Variants in CYP4X1 observed in about 807,000 individuals in gnomAD.
CYP4X1 encodes the protein cytochrome P450 family 4 subfamily X member 1.
CYP4X1 carries 44 observed loss-of-function variants against 57.9 expected under a neutral mutation model. The observed-to-expected ratio is 0.76, with a 90% CI of 0.60 to 0.98. The LOEUF is 0.98. CYP4X1 is among the 50% of genes least tolerant of loss of function. The probability of loss-of-function intolerance (pLI) is 0.00; values close to 1 mark genes in which losing one functional copy is unlikely to be tolerated. For missense variants in CYP4X1, 532 were observed against 623.9 expected (o/e 0.85, Z 1.57); for synonymous variants, 227 against 228.6 (o/e 0.99, Z 0.06).
At chr1:47,020,463 G>A (rs999574901), upstream of CYP4X1, among the ~76,000 whole-genome samples, 2 of 152,184 alleles carry the variant, frequency 1.3e-5, no homozygotes, top group African/African-American at 2.4e-5. Flanking sequence ...TAGCCTGGAC[G>A]GATTTCATTA....
chr1:46,971,582 C>G, the CYP4X1 span, among the ~76,000 whole-genome samples: 3 of 152,158 alleles, frequency 2.0e-5, no homozygotes, highest in Non-Finnish European at 2.9e-5. Context: ...TTGCCACCAT[C>G]TGTTGTTTTT....
At chr1:46,997,954 T>C in the CYP4X1 span, among the ~76,000 whole-genome samples, 3 of 152,346 alleles carry the variant, frequency 2.0e-5, no homozygotes, top group Middle Eastern at 3.4e-3. Flanking sequence ...TGATTATTGA[T>C]GTTGAGCATT....
chr1:47,000,065 C>A, the CYP4X1 span, among the ~76,000 whole-genome samples: 1 of 151,924 alleles, frequency 6.6e-6, no homozygotes, highest in East Asian at 1.9e-4. Flanking sequence ...AATTGTAATC[C>A]CCATGTGTCA....
At chr1:46,967,805 G>T in the CYP4X1 span, 1 of 1,361,852 alleles carries the variant, frequency 7.3e-7, no homozygotes, top group Non-Finnish European at 9.7e-7. Flanking sequence ...AGCTCAAAGC[G>T]GAGCAGGGTC....
At chr1:47,022,861 G>A (rs1439643320), upstream of CYP4X1, among the ~76,000 whole-genome samples, 1 of 152,194 alleles carries the variant, frequency 6.6e-6, no homozygotes, top group Non-Finnish European at 1.5e-5. Context: ...GCTGGGACAG[G>A]GAGGTGGGGG....
upstream of CYP4X1, among the ~76,000 whole-genome samples, chr1:47,022,388 T>C (rs952803661): frequency 5.4e-5 from 8 of 148,926 alleles, no homozygotes; most frequent in African/African-American, 2.0e-4. Flanking sequence ...CCTCTCGGGT[T>C]CAAGCGATTC....
At chr1:46,984,443 T>G in the CYP4X1 span, among the ~76,000 whole-genome samples, 1 of 149,982 alleles carries the variant, frequency 6.7e-6, no homozygotes, top group African/African-American at 2.5e-5. Flanking sequence ...AAGAGCTCTG[T>G]CCTGCAGCTC....
chr1:47,011,827 A>G, the CYP4X1 span, among the ~76,000 whole-genome samples: 6 of 152,254 alleles, frequency 3.9e-5, no homozygotes, highest in Admixed American at 1.3e-4. Context: ...ATCACTGGCC[A>G]TCGGAGAAAT....
chr1:47,036,370 T>TTA (rs58369367), intron 6 of CYP4X1, among the ~76,000 whole-genome samples, 199 bp downstream of exon 6: 1,474 of 129,804 alleles, frequency 0.011, 52 homozygotes, highest in African/African-American at 0.019. Context: ...ATCAGAATTT[T>TTA]TATATATATA....
chr1:47,029,858 T>TTA, intron 1 of CYP4X1, 132 bp from the exon 2 acceptor site: 5 of 928,692 alleles, frequency 5.4e-6, no homozygotes, highest in Non-Finnish European at 8.2e-6. Context: ...AGAAAGCATG[T>TTA]TATGTCACTT....
At chr1:47,041,906 T>A (rs1486478695) in intron 8 of CYP4X1, among the ~76,000 whole-genome samples, 1 of 152,128 alleles carries the variant, frequency 6.6e-6, no homozygotes, top group Non-Finnish European at 1.5e-5. Flanking sequence ...AGTTTTATAG[T>A]TTCAGGTCAT....
upstream of CYP4X1, among the ~76,000 whole-genome samples, chr1:47,019,510 TTTAAC>T (rs1229868314): frequency 6.6e-6 from 1 of 152,240 alleles, no homozygotes; most frequent in African/African-American, 2.4e-5. Context: ...ATTTCTAATA[TTTAAC>T]TTAACCATTC....
the CYP4X1 span, among the ~76,000 whole-genome samples, chr1:47,017,271 A>T: frequency 6.6e-6 from 1 of 152,196 alleles, no homozygotes; most frequent in Non-Finnish European, 1.5e-5. Flanking sequence ...TTTTTGAGGA[A>T]TCTCCAAACC....
At chr1:46,963,630 G>A in the CYP4X1 span, among the ~76,000 whole-genome samples, 1 of 152,224 alleles carries the variant, frequency 6.6e-6, no homozygotes. Context: ...AGTCTGATGG[G>A]CTTCCCTTTG....
chr1:46,968,716 G>T, the CYP4X1 span, among the ~76,000 whole-genome samples: 1 of 144,202 alleles, frequency 6.9e-6, no homozygotes, highest in East Asian at 2.1e-4. Context: ...TGAGTGAAAG[G>T]ATGGATGAGG....
At chr1:47,007,471 T>A in the CYP4X1 span, among the ~76,000 whole-genome samples, 3 of 151,856 alleles carry the variant, frequency 2.0e-5, no homozygotes, top group African/African-American at 4.8e-5. Context: ...ACCACAAAGA[T>A]GGGGAAAAAA....
At chr1:47,054,633 A>C (rs976233704), downstream of CYP4X1, among the ~76,000 whole-genome samples, 5 of 152,156 alleles carry the variant, frequency 3.3e-5, no homozygotes, top group Admixed American at 1.3e-4. Context: ...GAGGTCCTTC[A>C]CATCCCTTGT....
the CYP4X1 span, among the ~76,000 whole-genome samples, chr1:46,986,338 A>G: frequency 6.6e-6 from 1 of 152,332 alleles, no homozygotes; most frequent in African/African-American, 2.4e-5. Context: ...TAGAGAAAAA[A>G]GAATGAAAAG....
chr1:46,981,779 A>G, the CYP4X1 span, among the ~76,000 whole-genome samples: 1 of 152,230 alleles, frequency 6.6e-6, no homozygotes, highest in Non-Finnish European at 1.5e-5. Context: ...TGGCATATAT[A>G]CACCATGGAA....
Sources: gnomAD v4.1 joint callset for allele counts (sites outside exome capture counted in the v4.1 genomes callset) on GRCh38, gnomAD v4.1.1 for gene constraint, MANE v1.5 for transcripts, NCBI Gene and HGNC (gene_info 2026-07-23, HGNC 2026-07-21) for gene names.